Variants in PDGFA observed in about 807,000 individuals in gnomAD.
The protein encoded by PDGFA is platelet derived growth factor subunit A.
A neutral mutation model predicts 25.6 loss-of-function variants in PDGFA; 9 were observed. The observed-to-expected ratio is 0.35, with a 90% CI of 0.21 to 0.61. The LOEUF (loss-of-function observed/expected upper bound fraction) is 0.61. PDGFA is among the 20% of genes least tolerant of loss of function. PDGFA has a pLI of 0.75. For missense variants in PDGFA, 242 were observed against 272.8 expected (o/e 0.89, Z 0.79); for synonymous variants, 133 against 111.8 (o/e 1.19, Z -1.20).
At chr7:498,519 C>T in exon 6 of PDGFA, 1 of 1,589,528 alleles carries the variant, frequency 6.3e-7, no homozygotes, top group Non-Finnish European at 8.6e-7. Flanking sequence ...AGGAATGTAA[C>T]ACGCCATGTA....
intron 1 of PDGFA, chr7:518,288 G>A (rs1179647749): frequency 6.6e-6 from 1 of 152,398 alleles, no homozygotes; most frequent in Non-Finnish European, 1.5e-5. Flanking sequence ...CCCACGACGG[G>A]GGCTGTGGAA....
chr7:497,959 C>CAAAAAAAAAAAAAAAAAAAA (rs1166606050), exon 6 of PDGFA: 4 of 56,686 alleles, frequency 7.1e-5, no homozygotes, highest in East Asian at 5.6e-4. Flanking sequence ...AAAAAAAAAA[C>CAAAAAAAAAAAAAAAAAAAA]AAAAAAAAAA....
At chr7:509,259 G>C (rs1782696255) in intron 4 of PDGFA, among the ~76,000 whole-genome samples, 2 of 152,242 alleles carry the variant, frequency 1.3e-5, no homozygotes, top group Admixed American at 1.3e-4. Context: ...GCGTTAGGAG[G>C]TGGGGTGTCT....
At chr7:512,672 C>A (rs954551144) in intron 2 of PDGFA, 5 of 1,488,706 alleles carry the variant, frequency 3.4e-6, no homozygotes, top group African/African-American at 2.8e-5. Context: ...CACTGGAAAC[C>A]GCAGAAAACG....
At chr7:518,916 C>T (rs1442167586) in intron 1 of PDGFA, 23 bp downstream of exon 1, 2 of 1,493,116 alleles carry the variant, frequency 1.3e-6, no homozygotes, top group South Asian at 2.5e-5. Flanking sequence ...GGCGCAGGGA[C>T]GGGGCGCGGG....
chr7:519,998 C>A, upstream of PDGFA: 3 of 368,206 alleles, frequency 8.1e-6, no homozygotes, highest in Middle Eastern at 1.0e-3. Flanking sequence ...CCGGCAGGGC[C>A]CGGGCGCCGC....
chr7:497,959 C>CAAAAAAAAAAAAAAAAAAAAAAAAAAA (rs1166606050), exon 6 of PDGFA: 6 of 56,686 alleles, frequency 1.1e-4, no homozygotes, highest in Non-Finnish European at 1.8e-4. Context: ...AAAAAAAAAA[C>CAAAAAAAAAAAAAAAAAAAAAAAAAAA]AAAAAAAAAA....
In PDGFA at chr7:517,385, G is replaced by A. The variant is rs1009624755; in HGVS notation, c.160+9C>T. ...CTCCCCGCGCGCGGAGGGAAGGGGC[G>A]CGATTTACCTACGGAGTCTATCTCC... is the stretch of plus-strand genomic sequence containing the variant. On this transcript the variant is annotated intron_variant, in intron 2 of 5. Transcript: ENST00000402802. The surrounding 1 kb of genome is among the most constrained non-coding windows in gnomAD (Gnocchi z 7.4). 3.0e-6 allele frequency: 4 copies of A among 1,337,680 alleles called. No individual in the cohort carries two copies. Among genetic ancestry groups the A allele is most frequent in the African/African-American group, 3.1e-5 (2 of 65,046 alleles). The allele number at this position is 1,337,680 out of a possible 1,614,324, so 82.9% of individuals were successfully genotyped here. A position where few individuals can be genotyped will look rare whatever the true frequency, so the allele number is the denominator to read the frequency against.
intron 4 of PDGFA, among the ~76,000 whole-genome samples, chr7:504,695 C>T (rs1334307075): frequency 3.3e-5 from 5 of 152,218 alleles, no homozygotes; most frequent in Admixed American, 6.5e-5. Context: ...TCGGGCAGGG[C>T]GCCCTGTTCT....
rs1421925356 is a variant in PDGFA, at chr7:502,795, CACACACACACACACAT to C, written c.454-1569_454-1554del. ...ACACACACACACACACACACACACA[CACACACACACACACAT>C]AATGCACATATAGGCCCTGTCACGG... is the stretch of plus-strand genomic sequence containing the variant. On this transcript the variant is annotated intron_variant, in intron 4 of 5. Coordinates refer to ENST00000402802, the Ensembl canonical transcript of PDGFA. Among the ~76,000 whole-genome samples, 6 of 147,252 alleles carry C rather than the reference CACACACACACACACAT, an allele frequency of 4.1e-5. No individual in the cohort carries two copies. The East Asian group carries it at 6.0e-4, about 15-fold the overall frequency.
In PDGFA at chr7:500,453, T is replaced by G. The variant is rs146348704; in HGVS notation, c.580+663A>C. ...TACCTGGTTGGCTGCTTTAGGTGGG[T>G]TTTAACCTTTTTCTTTTCCGTTTTT... On this transcript the variant is annotated intron_variant, in intron 5 of 5. Transcript: ENST00000402802. The surrounding 1 kb of genome is among the most constrained non-coding windows in gnomAD (Gnocchi z 5.0). The G allele has an allele frequency of 6.2e-7, 1 of 1,613,686 alleles. No individual in the cohort carries two copies. The highest frequency in any genetic ancestry group is 1.7e-5 in the Admixed American group (1 of 59,994).
chr7:520,644 C>G (rs1783330645), upstream of PDGFA: 1 of 152,272 alleles, frequency 6.6e-6, no homozygotes. Context: ...CCCCCGGGTT[C>G]TGAGCCTCCC....
Position 500,829 on chromosome 7 carries a change from C to T in PDGFA, c.580+287G>A, listed in dbSNP as rs1425573995. ...CTTCTCAGCTCAGCCCCGCAGCCCACTAATGAATTGGGTGTCTTATGCACT... is the reference window on the plus strand; with the variant it reads ...CTTCTCAGCTCAGCCCCGCAGCCCATTAATGAATTGGGTGTCTTATGCACT... On this transcript the variant is annotated intron_variant, in intron 5 of 5. Transcript: ENST00000402802. This position sits in a 1 kb window ranked among gnomAD's most constrained non-coding sequence, Gnocchi z 5.0. 7 of 1,491,032 alleles carry T rather than the reference C, an allele frequency of 4.7e-6. No individual in the cohort carries two copies. The highest frequency in any genetic ancestry group is 6.3e-6 in the Non-Finnish European group (7 of 1,119,918). The allele number at this position is 1,491,032 out of a possible 1,614,324, so 92.4% of individuals were successfully genotyped here.
chr7:516,005 C>CG (rs1308768249), intron 2 of PDGFA, among the ~76,000 whole-genome samples: 1 of 118,312 alleles, frequency 8.5e-6, no homozygotes, highest in Non-Finnish European at 1.7e-5. Context: ...AGCACCCCCC[C>CG]CCAGAAAAAG....
intron 2 of PDGFA, among the ~76,000 whole-genome samples, chr7:515,578 C>T (rs1783051476): frequency 6.6e-6 from 1 of 152,068 alleles, no homozygotes; most frequent in African/African-American, 2.4e-5. Context: ...AGGTAGATGC[C>T]ACCCCCATAT....
chr7:504,698 C>G (rs968246034), intron 4 of PDGFA, among the ~76,000 whole-genome samples: 2 of 152,238 alleles, frequency 1.3e-5, no homozygotes, highest in East Asian at 3.8e-4. Flanking sequence ...GGCAGGGCGC[C>G]CTGTTCTGCT....
At chr7:514,786 G>A (rs1290652123) in intron 2 of PDGFA, among the ~76,000 whole-genome samples, 1 of 152,208 alleles carries the variant, frequency 6.6e-6, no homozygotes, top group East Asian at 1.9e-4. Flanking sequence ...GGACAAACAG[G>A]CCCTAAACGC....
At chr7:518,651 C>T in intron 1 of PDGFA, 1 of 367,764 alleles carries the variant, frequency 2.7e-6, no homozygotes, top group Non-Finnish European at 4.9e-6. Context: ...CCCGCTGCGC[C>T]CCAGCTCCCC....
intron 2 of PDGFA, chr7:513,044 A>G (rs1181234263): frequency 5.6e-6 from 1 of 179,288 alleles, no homozygotes; most frequent in Non-Finnish European, 1.2e-5. Context: ...GCCAGACCCC[A>G]CTCATTCCTG....
Sources: allele counts gnomAD v4.1 joint callset (sites outside exome capture counted in the v4.1 genomes callset), GRCh38; gene constraint gnomAD v4.1.1; non-coding constraint Gnocchi (gnomAD v3.1); transcripts MANE v1.5; gene names NCBI Gene and HGNC (gene_info 2026-07-23, HGNC 2026-07-21).